The following CLRN1 variants were observed in gnomAD, a reference collection of about 807,000 sequenced individuals.
The protein encoded by CLRN1 is clarin-1.
Under a neutral mutation model 18.7 loss-of-function variants are expected in CLRN1, and 15 were observed. The ratio of observed to expected loss-of-function variants is 0.80; its 90% CI spans 0.54 to 1.23. The LOEUF (loss-of-function observed/expected upper bound fraction) is 1.23, where lower values mean the gene tolerates loss of function less well. CLRN1 is among the 50% of genes most tolerant of loss of function. The pLI is 0.00. For missense variants in CLRN1, 311 were observed against 277.5 expected, an observed-to-expected ratio of 1.12 and a Z score of -0.86; for synonymous variants, 104 against 102.9, an observed-to-expected ratio of 1.01 and a Z score of -0.07.
intron 1 of CLRN1, among the ~76,000 whole-genome samples, chr3:150,965,429 T>C (rs1715216901): frequency 6.6e-6 from 1 of 152,232 alleles, no homozygotes; most frequent in African/African-American, 2.4e-5. Context: ...ATCAATATCA[T>C]AATATTAATT....
intron 1 of CLRN1, among the ~76,000 whole-genome samples, chr3:150,949,479 C>T (rs940697140): frequency 1.3e-5 from 2 of 152,172 alleles, no homozygotes; most frequent in Non-Finnish European, 2.9e-5. Flanking sequence ...AGCCCAAAAG[C>T]TCCTTCAGCT....
chr3:150,945,966 G>A (rs1349003766), intron 1 of CLRN1, among the ~76,000 whole-genome samples: 2 of 152,112 alleles, frequency 1.3e-5, no homozygotes, highest in Non-Finnish European at 2.9e-5. Flanking sequence ...GTATTACAAG[G>A]ATATTCATTG....
intron 2 of CLRN1, among the ~76,000 whole-genome samples, chr3:150,934,469 T>C (rs909650667): frequency 2.0e-5 from 3 of 152,214 alleles, no homozygotes; most frequent in Admixed American, 6.5e-5. Flanking sequence ...TCATTGCAAA[T>C]GGTAACAAAT....
chr3:150,927,659 CAT>C lies in CLRN1; in HGVS notation c.*275_*276del, dbSNP rs550716419. On this transcript the variant is annotated 3_prime_UTR_variant, in exon 3 of 3. Transcript: ENST00000327047. ...ACACACACACACACACACACACACA[CAT>C]ATATATATATGGAGTAACAATTTGT... 9.8e-3 allele frequency: 3,972 copies of C among 404,740 alleles called. 120 individuals are homozygous for C. The highest frequency in any genetic ancestry group is 0.083 in the African/African-American group (3,392 of 41,026). The allele number at this position is 404,740 out of a possible 1,614,324, so 25.1% of individuals were successfully genotyped here.
chr3:150,972,565 A>G lies in CLRN1; in HGVS notation c.144T>C (p.Asn48=). Residue 48 remains asparagine, a synonymous_variant, in exon 1 of 3, where the codon AAT becomes AAC. Coordinates refer to ENST00000327047, the MANE Select transcript of CLRN1 (RefSeq NM_174878.3). ...ACTTGTCCAGCTCCTGCCCTGAGGC[A>G]TTGACGAGCAGAGCTCCCGTTTTGC... is the stretch of plus-strand genomic sequence containing the variant. ...VLCKTGALLV[N]ASGQELDKFM... 6.2e-7 allele frequency: 1 copy of G among 1,614,252 alleles called. No individual in the cohort carries two copies. The highest frequency in any genetic ancestry group is 8.5e-7 in the Non-Finnish European group (1 of 1,180,052).
Position 150,941,649 on chromosome 3 carries a change from A to C in CLRN1, c.366T>G (p.Asn122Lys). 6.2e-7 allele frequency: 1 copy of C among 1,614,132 alleles called. No homozygotes were observed. The highest frequency in any genetic ancestry group is 8.5e-7 in the Non-Finnish European group (1 of 1,179,974). The change falls in exon 2 of 3, where the codon AAT becomes AAG. Residue 122 changes from asparagine (N) to lysine (K), a missense_variant. Physicochemically the swap from Asn to Lys is moderately conservative, Grantham distance 94. Transcript: ENST00000327047. Reference sequence around the variant, plus strand: ...GAGTTTCAAAAGGTTTTCCAAAAGCATTGTACATGAAGAAGGCTGTCCCCA... The same window carrying C: ...GAGTTTCAAAAGGTTTTCCAAAAGCCTTGTACATGAAGAAGGCTGTCCCCA... Reference protein sequence around the residue: ...TMVGTAFFMYNAFGKPFETLH... With the variant: ...TMVGTAFFMYKAFGKPFETLH...
chr3:150,933,912 T>C (rs751008213), intron 2 of CLRN1, among the ~76,000 whole-genome samples: 1 of 152,200 alleles, frequency 6.6e-6, no homozygotes, highest in Non-Finnish European at 1.5e-5. Flanking sequence ...TACTTCTCTT[T>C]TCCTTCTGTG....
At chr3:150,951,129 C>G (rs1267435846) in intron 1 of CLRN1, among the ~76,000 whole-genome samples, 1 of 152,044 alleles carries the variant, frequency 6.6e-6, no homozygotes, top group Admixed American at 6.5e-5. Flanking sequence ...ACAACAGACA[C>G]TGGGATCTTC....
At chr3:150,972,432 A>G in intron 1 of CLRN1, 24 bp downstream of exon 1, 1 of 1,614,136 alleles carries the variant, frequency 6.2e-7, no homozygotes, top group Admixed American at 1.7e-5. Flanking sequence ...AGCATTAAAT[A>G]ACTCAAATGC....
At chr3:150,959,449 T>C (rs1471355193) in intron 1 of CLRN1, among the ~76,000 whole-genome samples, 1 of 151,956 alleles carries the variant, frequency 6.6e-6, no homozygotes, top group East Asian at 1.9e-4. Context: ...GCCAACATGG[T>C]GAAACCCCGT....
At chr3:150,956,799 T>G (rs1434597486) in intron 1 of CLRN1, among the ~76,000 whole-genome samples, 1 of 152,180 alleles carries the variant, frequency 6.6e-6, no homozygotes, top group African/African-American at 2.4e-5. Context: ...CAAAGCCTTT[T>G]CTAGTTTTTT....
intron 2 of CLRN1, among the ~76,000 whole-genome samples, chr3:150,928,817 T>A (rs1415873237): frequency 2.0e-5 from 3 of 152,196 alleles, no homozygotes; most frequent in Non-Finnish European, 1.5e-5. Flanking sequence ...GCTAGACATG[T>A]GAGTGTCTTG....
chr3:150,937,438 G>A (rs996079223), intron 2 of CLRN1, among the ~76,000 whole-genome samples: 12 of 152,148 alleles, frequency 7.9e-5, no homozygotes, highest in Admixed American at 6.5e-4. Flanking sequence ...AGAGCTTAAG[G>A]TAAAATAGCA....
chr3:150,942,604 T>C (rs1339361818), intron 1 of CLRN1: 3 of 455,712 alleles, frequency 6.6e-6, no homozygotes, highest in South Asian at 4.7e-5. Context: ...TAAAACAAGA[T>C]GGACAAGATT....
At position 150,946,753 on chromosome 3, in the gene CLRN1, T is replaced by C. The variant is rs986000035; in HGVS notation, c.254-4992A>G. ...CACTTTTTATTTTTTTATTTTTATT[T>C]TTTATTATTATACTTTAAGTTTTAG... On this transcript the variant is annotated intron_variant, in intron 1 of 2. Transcript: ENST00000327047. Among the ~76,000 whole-genome samples, 19 of 151,474 alleles carry C rather than the reference T, an allele frequency of 1.3e-4. No homozygotes were observed. In the South Asian group the frequency reaches 3.3e-3, roughly 27 times the overall value.
At chr3:150,935,545 T>C (rs1713428472) in intron 2 of CLRN1, among the ~76,000 whole-genome samples, 1 of 151,150 alleles carries the variant, frequency 6.6e-6, no homozygotes, top group African/African-American at 2.4e-5. Context: ...AGTCTATCAT[T>C]GTTGGACATT....
intron 1 of CLRN1, among the ~76,000 whole-genome samples, chr3:150,966,865 A>G (rs1715284222): frequency 6.6e-6 from 1 of 152,200 alleles, no homozygotes; most frequent in Non-Finnish European, 1.5e-5. Flanking sequence ...TAAGATTAGA[A>G]GGGTTATGCA....
At position 150,965,920 on chromosome 3, in the gene CLRN1, G is replaced by T. The variant is rs80050734; in HGVS notation, c.253+6536C>A. 2.8e-3 allele frequency among the ~76,000 whole-genome samples: 425 copies of T among 152,320 alleles called. 3 individuals are homozygous for T. Among genetic ancestry groups the T allele is most frequent in the Admixed American group, 7.3e-3 (112 of 15,294 alleles). ...AGGGAGAAATAAAACTTCTTTTTCT[G>T]GATTAGGTAGGCAGAACCAGAAGTT... is the stretch of plus-strand genomic sequence containing the variant. On this transcript the variant is annotated intron_variant, in intron 1 of 2. Transcript: ENST00000327047.
At chr3:150,947,142 T>A (rs1397639301) in intron 1 of CLRN1, among the ~76,000 whole-genome samples, 1 of 152,018 alleles carries the variant, frequency 6.6e-6, no homozygotes, top group Non-Finnish European at 1.5e-5. Context: ...GATGGCTGGA[T>A]GGCTGGATGG....
Sources: gnomAD v4.1 joint callset for allele counts (sites outside exome capture counted in the v4.1 genomes callset) on GRCh38, gnomAD v4.1.1 for gene constraint, MANE v1.5 for transcripts, NCBI Gene and HGNC (gene_info 2026-07-23, HGNC 2026-07-21) for gene names.